Variants in SELENOS observed in about 807,000 individuals in gnomAD.
SELENOS encodes selenoprotein S, also known as VCP interacting membrane selenoprotein.
A neutral mutation model predicts 30.2 loss-of-function variants in SELENOS; 37 were observed. That is an observed-to-expected ratio of 1.23 (90% CI 0.94 to 1.61). SELENOS has a LOEUF of 1.61. Ranked by LOEUF, SELENOS falls within the 40% of genes most tolerant of loss-of-function variation. The pLI is 0.00. For missense variants in SELENOS, 289 were observed against 231.8 expected (o/e 1.25, Z -1.60); for synonymous variants, 119 against 91.6 (o/e 1.30, Z -1.71).
At chr15:101,277,293 C>A in intron 1 of SELENOS, 49 bp downstream of exon 1, 1 of 1,512,568 alleles carries the variant, frequency 6.6e-7, no homozygotes, top group Non-Finnish European at 8.8e-7. Context: ...ATCATGGCTG[C>A]GCGTCGCAAA....
Position 101,275,328 on chromosome 15 carries a change from AAAGCTTCTTGTCGTTTAAC to A in SELENOS, c.226_244del (p.Val76Ter), listed in dbSNP as rs1313485657. ...TTGCATTTTCAGTCGAGCAGCTGCTAAAGCTTCTTGTCGTTTAACAACAACATCAGGTTCTAAAATGTCA... is the reference window on the plus strand; with the variant it reads ...TTGCATTTTCAGTCGAGCAGCTGCTAAACAACATCAGGTTCTAAAATGTCA... On this transcript the variant is annotated frameshift_variant, in exon 3 of 6. Transcript: ENST00000526049. LOFTEE classifies it high-confidence loss of function. The A allele has an allele frequency of 1.9e-6, 3 of 1,582,460 alleles. 1 individual carries two copies. Among genetic ancestry groups the A allele is most frequent in the Non-Finnish European group, 2.6e-6 (3 of 1,163,474 alleles).
chr15:101,274,259 C>T (rs1225195753), intron 5 of SELENOS, 161 bp downstream of exon 5: 6 of 785,018 alleles, frequency 7.6e-6, no homozygotes, highest in Non-Finnish European at 2.1e-6. Flanking sequence ...TTAGTGAGGA[C>T]CTAGGAGGTG....
intron 1 of SELENOS, 60 bp downstream of exon 1, chr15:101,277,282 C>T (rs1596466909): frequency 3.3e-6 from 5 of 1,518,096 alleles, no homozygotes; most frequent in Non-Finnish European, 1.8e-6. Flanking sequence ...ACGACCCACC[C>T]ATCATGGCTG....
At chr15:101,276,476 A>G (rs1033758906) in intron 2 of SELENOS, 65 bp downstream of exon 2, 59 of 1,468,264 alleles carry the variant, frequency 4.0e-5, no homozygotes, top group Non-Finnish European at 5.3e-5. Flanking sequence ...TTTTACTAAG[A>G]GACTAACTCT....
At position 101,275,328 on chromosome 15, in the gene SELENOS, A is replaced by C. The variant is rs780070592; in HGVS notation, c.245T>G (p.Leu82Ter). 30 of 1,582,342 alleles carry C rather than the reference A, an allele frequency of 1.9e-5. No homozygotes were observed. Among genetic ancestry groups the C allele is most frequent in the Admixed American group, 1.3e-4 (7 of 54,432 alleles). Residue 82 changes from leucine (L) to a stop codon, truncating the protein, a stop_gained, in exon 3 of 6, where the codon TTA (leucine) becomes TGA (stop). Coordinates refer to ENST00000526049, the MANE Select transcript of SELENOS (RefSeq NM_018445.6). LOFTEE classifies it high-confidence loss of function. ...PDVVVKRQEALAAARLKMQEE... is the reference protein window; with the variant it reads ...PDVVVKRQEA ...TTGCATTTTCAGTCGAGCAGCTGCT[A>C]AAGCTTCTTGTCGTTTAACAACAAC...
At chr15:101,274,242 T>C in intron 5 of SELENOS, 178 bp downstream of exon 5, 1 of 699,164 alleles carries the variant, frequency 1.4e-6, no homozygotes, top group Non-Finnish European at 2.4e-6. Flanking sequence ...ACAATCCTTC[T>C]AAGTACTTAG....
rs374214844 is a variant in SELENOS, at chr15:101,274,615, T to C, written c.385A>G (p.Lys129Glu). The C allele has an allele frequency of 2.6e-5, 42 of 1,613,630 alleles. No individual in the cohort carries two copies. Among genetic ancestry groups the C allele is most frequent in the Non-Finnish European group, 3.2e-5 (38 of 1,179,836 alleles). ...ACCTGGGGCTTCTTTGCATTTCCTTTGTAACTTTTTCCTTCTTGCATGCTG... is the reference window on the plus strand; with the variant it reads ...ACCTGGGGCTTCTTTGCATTTCCTTCGTAACTTTTTCCTTCTTGCATGCTG... ...WDSMQEGKSYKGNAKKPQEED... is the reference protein window; with the variant it reads ...WDSMQEGKSYEGNAKKPQEED... The change falls in exon 4 of 6, where the codon AAA (lysine) becomes GAA (glutamate). Residue 129 changes from lysine (K) to glutamate (E), a missense_variant. Physicochemically the swap from Lys to Glu is moderately conservative, Grantham distance 56 (BLOSUM62 1). Transcript: ENST00000526049.
chr15:101,271,659 C>T (rs1042164586), downstream of SELENOS: 11 of 152,198 alleles, frequency 7.2e-5, no homozygotes, highest in Non-Finnish European at 1.2e-4. Context: ...CAGGAGATAA[C>T]AAATGTTGAC....
At chr15:101,277,051 G>C in intron 1 of SELENOS, 2 of 613,858 alleles carry the variant, frequency 3.3e-6, no homozygotes, top group South Asian at 3.5e-5. Context: ...ACGGGTCCCA[G>C]AGGCAAACGC....
intron 2 of SELENOS, 28 bp downstream of exon 2, chr15:101,276,513 G>A (rs1046248370): frequency 2.5e-6 from 4 of 1,572,892 alleles, no homozygotes; most frequent in African/African-American, 2.8e-5. Flanking sequence ...CAAAACCACC[G>A]CTTTCATTTC....
Position 101,272,859 on chromosome 15 carries a change from G to C in SELENOS, c.485-3C>G, listed in dbSNP as rs1352401492. 1 of 1,603,084 alleles carries C rather than the reference G, an allele frequency of 6.2e-7. No individual in the cohort carries two copies. Among genetic ancestry groups the C allele is most frequent in the Non-Finnish European group, 8.5e-7 (1 of 1,174,912 alleles). ...TTCACCAGACAACGGGTTATAACCT[G>C]GGAGGACAGAAAAGCAGCACAACAG... On this transcript the variant is annotated splice_polypyrimidine_tract_variant and splice_region_variant and intron_variant, in intron 5 of 5. Coordinates refer to ENST00000526049, the MANE Select transcript of SELENOS (RefSeq NM_018445.6).
In SELENOS at chr15:101,277,359, C is replaced by T; in HGVS notation, c.59G>A (p.Arg20His). 5.9e-6 allele frequency: 9 copies of T among 1,513,844 alleles called. No individual in the cohort carries two copies. The highest frequency in any genetic ancestry group is 6.1e-6 in the Non-Finnish European group (7 of 1,138,818). The allele number at this position is 1,513,844 out of a possible 1,614,324, so 93.8% of individuals were successfully genotyped here. The change falls in exon 1 of 6, where the codon CGC (arginine) becomes CAC (histidine). Residue 20 changes from arginine (R) to histidine (H), a missense_variant. Transcript: ENST00000526049. ...CGACTCACCCGTGGTGTGCAGGAAG[C>T]GCAGCCCCTCGGTCTCCAGGGCCGG... ...ARPALETEGLRFLHTTVGSLL... is the reference protein window; with the variant it reads ...ARPALETEGLHFLHTTVGSLL...
chr15:101,277,447 G>T lies in SELENOS; in HGVS notation c.-30C>A, dbSNP rs1278990070. ...GCCGCCGCCGCCGCCGCCCAGCCCTGCCGCCGCGCCTCCAGCCGGGCGCTT... is the reference window on the plus strand; with the variant it reads ...GCCGCCGCCGCCGCCGCCCAGCCCTTCCGCCGCGCCTCCAGCCGGGCGCTT... On this transcript the variant is annotated 5_prime_UTR_variant, in exon 1 of 6. Transcript: ENST00000526049. 2.8e-6 allele frequency: 4 copies of T among 1,424,924 alleles called. No individual in the cohort carries two copies. Among genetic ancestry groups the T allele is most frequent in the African/African-American group, 3.0e-5 (2 of 66,468 alleles). 88.3% of individuals were successfully genotyped at this position (1,424,924 alleles called of 1,614,324 possible).
At chr15:101,275,797 G>A (rs1173765308) in intron 2 of SELENOS, among the ~76,000 whole-genome samples, 1 of 151,112 alleles carries the variant, frequency 6.6e-6, no homozygotes, top group African/African-American at 2.4e-5. Flanking sequence ...TTAAGTATTT[G>A]TTTCTACAGA....
chr15:101,274,844 C>T, intron 3 of SELENOS, 163 bp from the exon 4 acceptor site: 1 of 768,544 alleles, frequency 1.3e-6, no homozygotes. Context: ...GTGAGTTTAA[C>T]TCACATAGAG....
intron 5 of SELENOS, among the ~76,000 whole-genome samples, chr15:101,273,865 G>A (rs931554568): frequency 3.3e-5 from 5 of 152,214 alleles, no homozygotes; most frequent in Admixed American, 2.6e-4. Flanking sequence ...CAGTGTTCTA[G>A]TGTGTTTGTT....
At chr15:101,276,733 A>G (rs2039332513) in intron 1 of SELENOS, 58 bp from the exon 2 acceptor site, 18 of 1,565,794 alleles carry the variant, frequency 1.1e-5, no homozygotes, top group East Asian at 2.2e-5. Context: ...TGACCTTTCC[A>G]TAAGACTCAA....
intron 5 of SELENOS, among the ~76,000 whole-genome samples, chr15:101,273,231 T>TA (rs111301633): frequency 0.12 from 18,519 of 151,762 alleles, 3,629 homozygotes; most frequent in African/African-American, 0.42. Context: ...GAAAACAGAT[T>TA]AAAAAAAATC....
chr15:101,276,238 CCTA>C, intron 2 of SELENOS, among the ~76,000 whole-genome samples: 1 of 143,180 alleles, frequency 7.0e-6, no homozygotes, highest in Non-Finnish European at 1.5e-5. Context: ...CCATATACTT[CCTA>C]CTTTTTTTTT....
Sources: gnomAD v4.1 joint callset for allele counts (sites outside exome capture counted in the v4.1 genomes callset) on GRCh38, gnomAD v4.1.1 for gene constraint, MANE v1.5 for transcripts, NCBI Gene and HGNC (gene_info 2026-07-23, HGNC 2026-07-21) for gene names.